Variants in RFC3 observed in about 807,000 individuals in gnomAD.
RFC3 encodes the protein replication factor C subunit 3, also known as A1 38 kDa subunit.
In RFC3, 41 loss-of-function variants were observed where a neutral mutation model predicts 45.1. The ratio of observed to expected loss-of-function variants is 0.91; its 90% CI spans 0.71 to 1.18. The LOEUF (loss-of-function observed/expected upper bound fraction) is 1.18. Among genes scored for constraint, RFC3 ranks in the 50% most tolerant of loss-of-function variants. The pLI is 0.00. For missense variants in RFC3, 423 were observed against 428.1 expected (o/e 0.99, Z 0.10); for synonymous variants, 149 against 144.0 (o/e 1.03, Z -0.25).
At chr13:33,838,453 C>A (rs889170597), downstream of RFC3, among the ~76,000 whole-genome samples, 1 of 152,100 alleles carries the variant, frequency 6.6e-6, no homozygotes, top group Non-Finnish European at 1.5e-5. Flanking sequence ...AAACCCCCAC[C>A]ACTTTGAATA....
At chr13:33,856,524 A>G (rs185314262) in intron 8 of RFC3, among the ~76,000 whole-genome samples, 20 of 152,330 alleles carry the variant, frequency 1.3e-4, no homozygotes, top group Admixed American at 1.2e-3. Flanking sequence ...GTAATTGTAA[A>G]TGGTAAATGC....
At chr13:33,882,817 A>T (rs1037396495) in intron 8 of RFC3, among the ~76,000 whole-genome samples, 1 of 152,226 alleles carries the variant, frequency 6.6e-6, no homozygotes, top group South Asian at 2.1e-4. Context: ...CTAATCTCTC[A>T]TCATTCTAAT....
chr13:33,863,093 T>G (rs1228665112), intron 8 of RFC3, among the ~76,000 whole-genome samples: 1 of 152,232 alleles, frequency 6.6e-6, no homozygotes, highest in Non-Finnish European at 1.5e-5. Flanking sequence ...TTAGCATGAT[T>G]TTGTACCTAG....
At chr13:33,961,353 G>C (rs767897033) in intron 8 of RFC3, among the ~76,000 whole-genome samples, 1 of 152,060 alleles carries the variant, frequency 6.6e-6, no homozygotes, top group Non-Finnish European at 1.5e-5. Context: ...ATGTTACCCT[G>C]GGCCTATGTC....
At chr13:33,903,003 G>A (rs975867930) in intron 8 of RFC3, among the ~76,000 whole-genome samples, 1 of 151,896 alleles carries the variant, frequency 6.6e-6, no homozygotes, top group Non-Finnish European at 1.5e-5. Context: ...ATCCTGGGCC[G>A]CATGTGGCCT....
At chr13:33,961,213 C>T (rs1202310616) in intron 8 of RFC3, among the ~76,000 whole-genome samples, 1 of 152,158 alleles carries the variant, frequency 6.6e-6, no homozygotes, top group African/African-American at 2.4e-5. Flanking sequence ...GCTTGCTCCC[C>T]TGCTGTCATT....
chr13:33,939,495 C>T (rs1315440169), intron 8 of RFC3, among the ~76,000 whole-genome samples: 18 of 152,206 alleles, frequency 1.2e-4, no homozygotes, highest in Non-Finnish European at 2.9e-5. Context: ...CGCTCTGTAT[C>T]TTGCCATGTG....
chr13:33,926,360 A>G (rs1391721890), intron 8 of RFC3, among the ~76,000 whole-genome samples: 2 of 152,080 alleles, frequency 1.3e-5, no homozygotes, highest in South Asian at 2.1e-4. Context: ...AAGTATAATA[A>G]TAATAAATAA....
rs575249474 is a variant in RFC3, at chr13:33,960,693, T to A, written c.880-5394T>A. ...GAGAATGACAAATAGCCCTGGGAGG[T>A]GCAGGCTCCCCTTCTCCCACTGCCT... On this transcript the variant is annotated intron_variant, in intron 8 of 8. Transcript: ENST00000434425. Among the ~76,000 whole-genome samples the A allele has an allele frequency of 1.4e-3, 209 of 151,720 alleles. 1 individual carries two copies. The highest frequency in any genetic ancestry group is 4.9e-3 in the African/African-American group (203 of 41,384).
chr13:33,944,859 G>T (rs2082945559), intron 8 of RFC3, among the ~76,000 whole-genome samples: 1 of 152,090 alleles, frequency 6.6e-6, no homozygotes, highest in Non-Finnish European at 1.5e-5. Flanking sequence ...AACAGCAACA[G>T]TCCATGATTG....
intron 8 of RFC3, among the ~76,000 whole-genome samples, chr13:33,902,519 CGTATT>C (rs1255661375): frequency 6.6e-6 from 1 of 151,898 alleles, no homozygotes; most frequent in African/African-American, 2.4e-5. Flanking sequence ...ATAATTGTTC[CGTATT>C]TTATTCAAAA....
intron 8 of RFC3, among the ~76,000 whole-genome samples, chr13:33,872,951 C>T (rs2082422143): frequency 6.6e-6 from 1 of 152,008 alleles, no homozygotes; most frequent in Non-Finnish European, 1.5e-5. Flanking sequence ...TCAGTGATGA[C>T]TGAAAGAGCC....
chr13:33,905,810 AAAAC>A (rs2082668891), intron 8 of RFC3, among the ~76,000 whole-genome samples: 1 of 152,102 alleles, frequency 6.6e-6, no homozygotes, highest in Non-Finnish European at 1.5e-5. Flanking sequence ...AAACAACAAC[AAAAC>A]AAACAAACCA....
intron 8 of RFC3, among the ~76,000 whole-genome samples, chr13:33,920,723 A>G (rs1338189304): frequency 6.6e-6 from 1 of 152,076 alleles, no homozygotes; most frequent in African/African-American, 2.4e-5. Flanking sequence ...GGTGTGAGCC[A>G]CTGCACCCAG....
intron 8 of RFC3, among the ~76,000 whole-genome samples, chr13:33,942,231 G>C (rs2082928995): frequency 6.6e-6 from 1 of 151,600 alleles, no homozygotes; most frequent in Non-Finnish European, 1.5e-5. Context: ...TAATTTTTTT[G>C]CCTTTTATTT....
At chr13:33,916,449 C>G (rs1157837892) in intron 8 of RFC3, among the ~76,000 whole-genome samples, 2 of 152,100 alleles carry the variant, frequency 1.3e-5, no homozygotes, top group Non-Finnish European at 2.9e-5. Context: ...ACAGATGTCT[C>G]AAAGAGGACT....
At chr13:33,866,119 GTTC>G (rs2082372009) in intron 8 of RFC3, among the ~76,000 whole-genome samples, 1 of 152,192 alleles carries the variant, frequency 6.6e-6, no homozygotes, top group African/African-American at 2.4e-5. Flanking sequence ...AGAGACAGTA[GTTC>G]TTGGTTGGCT....
At chr13:33,937,091 A>G (rs1292442337) in intron 8 of RFC3, among the ~76,000 whole-genome samples, 3 of 152,208 alleles carry the variant, frequency 2.0e-5, no homozygotes, top group Non-Finnish European at 4.4e-5. Context: ...TCTTAAATAC[A>G]GTCATGTACC....
intron 8 of RFC3, among the ~76,000 whole-genome samples, chr13:33,879,699 A>G (rs546960269): frequency 1.3e-5 from 2 of 152,358 alleles, no homozygotes; most frequent in South Asian, 4.1e-4. Context: ...TTAGATTCCT[A>G]TTGTTGCTGG....
Sources: gnomAD v4.1 joint callset for allele counts (sites outside exome capture counted in the v4.1 genomes callset) on GRCh38, gnomAD v4.1.1 for gene constraint, MANE v1.5 for transcripts, NCBI Gene and HGNC (gene_info 2026-07-23, HGNC 2026-07-21) for gene names.